The following DOCK1 variants were observed in gnomAD, a reference collection of about 807,000 sequenced individuals.
DOCK1 encodes dedicator of cytokinesis protein 1.
In DOCK1, 138 loss-of-function variants were observed where a neutral mutation model predicts 262.7. That is an observed-to-expected ratio of 0.53 (90% CI 0.46 to 0.61). The LOEUF is 0.61. Ranked by LOEUF, DOCK1 falls within the 20% of genes least tolerant of loss-of-function variation. The pLI is 0.00. For missense variants in DOCK1, 1,908 were observed against 2,370.7 expected, an observed-to-expected ratio of 0.80 and a Z score of 4.05; for synonymous variants, 866 against 867.4, an observed-to-expected ratio of 1.00 and a Z score of 0.03.
intron 29 of DOCK1, among the ~76,000 whole-genome samples, chr10:127,309,515 A>T (rs1288567322): frequency 1.3e-5 from 2 of 152,186 alleles, no homozygotes; most frequent in Non-Finnish European, 2.9e-5. Flanking sequence ...GTCTTTGCCC[A>T]TGCCTGTGTC....
intron 1 of DOCK1, among the ~76,000 whole-genome samples, chr10:126,968,876 C>A (rs972831950): frequency 6.6e-6 from 1 of 152,198 alleles, no homozygotes; most frequent in Non-Finnish European, 1.5e-5. Context: ...TAATAACCAT[C>A]TTTGTCAGTT....
chr10:126,969,673 G>GA (rs1270132058), intron 1 of DOCK1, among the ~76,000 whole-genome samples: 2 of 151,840 alleles, frequency 1.3e-5, no homozygotes, highest in Non-Finnish European at 2.9e-5. Flanking sequence ...GGCCCAGCTG[G>GA]CGAGGGAGAA....
intron 27 of DOCK1, among the ~76,000 whole-genome samples, chr10:127,135,043 C>T (rs2050571620): frequency 6.6e-6 from 1 of 152,190 alleles, no homozygotes; most frequent in Admixed American, 6.5e-5. Context: ...GAGAAGCTAC[C>T]TCCCCTGGGC....
At chr10:127,235,145 T>C (rs1043010366) in intron 27 of DOCK1, among the ~76,000 whole-genome samples, 2 of 151,062 alleles carry the variant, frequency 1.3e-5, no homozygotes, top group South Asian at 2.1e-4. Context: ...TTATAAAGTA[T>C]AAAATACGTA....
At position 126,917,052 on chromosome 10, in the gene DOCK1, C is replaced by T. The variant is rs76618681; in HGVS notation, c.46+11489C>T. Among the ~76,000 whole-genome samples the T allele has an allele frequency of 6.6e-3, 877 of 132,674 alleles. 2 individuals carry two copies. The highest frequency in any genetic ancestry group is 0.016 in the East Asian group (59 of 3,766). 87.0% of individuals were successfully genotyped at this position (132,674 alleles called of 152,430 possible). On this transcript the variant is annotated intron_variant, in intron 1 of 51. Coordinates refer to ENST00000623213, the MANE Select transcript of DOCK1 (RefSeq NM_001290223.2). Reference sequence around the variant, plus strand: ...ACAGGTGGGAGCTGTGCGAGGCCAGCGGTGTTTCAGAATTCCAGTTTGTCA... The same window carrying T: ...ACAGGTGGGAGCTGTGCGAGGCCAGTGGTGTTTCAGAATTCCAGTTTGTCA...
At chr10:127,010,505 T>G (rs2041346293) in intron 11 of DOCK1, among the ~76,000 whole-genome samples, 1 of 152,158 alleles carries the variant, frequency 6.6e-6, no homozygotes, top group South Asian at 2.1e-4. Context: ...CATTAAACAT[T>G]TAGTTCTTCA....
At chr10:127,130,065 CTTTTTTTTTTTTT>C (rs74721427) in intron 27 of DOCK1, among the ~76,000 whole-genome samples, 7 of 117,548 alleles carry the variant, frequency 6.0e-5, no homozygotes, top group African/African-American at 2.4e-4. Flanking sequence ...TTAGGGTCTT[CTTTTTTTTTTTTT>C]TTTTTTTTTT....
chr10:126,905,548 G>A lies in DOCK1; in HGVS notation c.31G>A (p.Glu11Lys). MTRWVPTKREEKYGVAFYNYD... is the reference protein window; with the variant it reads MTRWVPTKREKKYGVAFYNYD... ...GCGCTGGGTGCCCACCAAGCGCGAG[G>A]AGAAGTACGGCGTGGGTGAGCAGCG... Residue 11 changes from glutamate to lysine, a missense_variant, in exon 1 of 52, where the codon GAG (glutamate) becomes AAG (lysine). Glu to Lys is a moderately conservative substitution (Grantham distance 56). This residue lies in a region of DOCK1 where 227 missense variants were observed against 254.1 expected (regional missense o/e 0.89). Transcript: ENST00000623213. 1 of 495,420 alleles carries A rather than the reference G, an allele frequency of 2.0e-6. No homozygotes were observed. The highest frequency in any genetic ancestry group is 3.7e-6 in the Non-Finnish European group (1 of 272,452). The allele number at this position is 495,420 out of a possible 1,614,324, so 30.7% of individuals were successfully genotyped here. A position where few individuals can be genotyped will look rare whatever the true frequency, so the allele number is the denominator to read the frequency against.
chr10:127,143,203 A>G (rs1423856124), intron 27 of DOCK1, among the ~76,000 whole-genome samples: 2 of 152,210 alleles, frequency 1.3e-5, no homozygotes, highest in Non-Finnish European at 2.9e-5. Flanking sequence ...GCAGTCGTCC[A>G]TGTGTAACAG....
Position 127,026,427 on chromosome 10 carries a change from GAGTAGTC to G in DOCK1, c.1624+5_1624+11del. The G allele has an allele frequency of 6.4e-7, 1 of 1,573,936 alleles. No individual in the cohort carries two copies. Among genetic ancestry groups the G allele is most frequent in the Non-Finnish European group, 8.6e-7 (1 of 1,158,342 alleles). Reference sequence around the variant, plus strand: ...CCGCCACAGGTCATCACAGGACTGTGAGTAGTCAAGCACTTTCTTCCCCCAAGTATTT... The same window carrying G: ...CCGCCACAGGTCATCACAGGACTGTGAAGCACTTTCTTCCCCCAAGTATTT... On this transcript the variant is annotated splice_donor_5th_base_variant and intron_variant, in intron 16 of 51. Transcript: ENST00000623213.
intron 27 of DOCK1, among the ~76,000 whole-genome samples, chr10:127,160,199 G>A (rs2053475777): frequency 6.6e-6 from 1 of 151,926 alleles, no homozygotes; most frequent in Non-Finnish European, 1.5e-5. Context: ...AAAGTGACAA[G>A]CATCTCCTAG....
chr10:127,323,087 C>T (rs576729382), intron 29 of DOCK1, among the ~76,000 whole-genome samples: 26 of 152,264 alleles, frequency 1.7e-4, no homozygotes, highest in African/African-American at 6.3e-4. Context: ...CCTTCTCCAT[C>T]ATGGGAAGAA....
chr10:126,972,992 G>C (rs1446101662), intron 2 of DOCK1, among the ~76,000 whole-genome samples: 3 of 151,712 alleles, frequency 2.0e-5, no homozygotes, highest in Non-Finnish European at 2.9e-5. Flanking sequence ...AGGAGACAGA[G>C]AGAAATTAAG....
At chr10:127,032,365 C>T (rs773629299) in intron 18 of DOCK1, 45 bp downstream of exon 18, 5 of 1,459,776 alleles carry the variant, frequency 3.4e-6, no homozygotes, top group Admixed American at 6.0e-5. Context: ...AGCTCTGCCC[C>T]AGTCCTGTCT....
chr10:127,367,561 C>T (rs1176585314), intron 33 of DOCK1, among the ~76,000 whole-genome samples: 1 of 152,164 alleles, frequency 6.6e-6, no homozygotes, highest in African/African-American at 2.4e-5. Context: ...GTCCCTGATG[C>T]TAGTGGAAGC....
chr10:127,150,572 A>T (rs1441112312), intron 27 of DOCK1, among the ~76,000 whole-genome samples: 2 of 151,894 alleles, frequency 1.3e-5, no homozygotes, highest in African/African-American at 4.8e-5. Flanking sequence ...TTGTCCTGTG[A>T]CTCTCTGTCC....
At position 127,108,827 on chromosome 10, in the gene DOCK1, A is replaced by G. The variant is rs527858085; in HGVS notation, c.2517-1421A>G. On this transcript the variant is annotated intron_variant, in intron 24 of 51. Coordinates refer to ENST00000623213, the MANE Select transcript of DOCK1 (RefSeq NM_001290223.2). Reference sequence around the variant, plus strand: ...TATTAGTCCATTAATCTTTACAACAATGGTATGACATAGGTTCTATTGTTA... The same window carrying G: ...TATTAGTCCATTAATCTTTACAACAGTGGTATGACATAGGTTCTATTGTTA... Among the ~76,000 whole-genome samples the G allele has an allele frequency of 5.3e-5, 8 of 152,246 alleles. No homozygotes were observed. The South Asian group carries it at 6.2e-4, about 12-fold the overall frequency.
At chr10:127,143,820 G>A (rs571122900) in intron 27 of DOCK1, among the ~76,000 whole-genome samples, 32 of 152,248 alleles carry the variant, frequency 2.1e-4, no homozygotes, top group Non-Finnish European at 4.0e-4. Context: ...GGCAATAGAA[G>A]AACCAGGACC....
At chr10:127,074,437 C>T (rs1317250366) in intron 23 of DOCK1, among the ~76,000 whole-genome samples, 1 of 152,140 alleles carries the variant, frequency 6.6e-6, no homozygotes. Context: ...TATTTAGAAT[C>T]CTGTGCCAGG....
Sources: gnomAD v4.1 joint callset for allele counts (sites outside exome capture counted in the v4.1 genomes callset) on GRCh38, gnomAD v4.1.1 for gene constraint, gnomAD v4.1.1 regional missense constraint, MANE v1.5 for transcripts, NCBI Gene and HGNC (gene_info 2026-07-23, HGNC 2026-07-21) for gene names.